The following EXOC4 variants were observed in gnomAD, a reference collection of about 807,000 sequenced individuals.
The protein encoded by EXOC4 is exocyst complex component 4.
In EXOC4, 71 loss-of-function variants were observed where a neutral mutation model predicts 107.2. That is an observed-to-expected ratio of 0.66 (90% CI 0.55 to 0.81). EXOC4 has a LOEUF of 0.81. Ranked by LOEUF, EXOC4 falls within the 30% of genes least tolerant of loss-of-function variation. The probability of loss-of-function intolerance (pLI) is 0.00; values close to 1 mark genes in which losing one functional copy is unlikely to be tolerated. For missense variants in EXOC4, 1,108 were observed against 1,189.6 expected, an observed-to-expected ratio of 0.93 and a Z score of 1.01; for synonymous variants, 456 against 441.2, an observed-to-expected ratio of 1.03 and a Z score of -0.42.
chr7:133,430,223 A>AT (rs1797824633), intron 7 of EXOC4, among the ~76,000 whole-genome samples: 1 of 152,192 alleles, frequency 6.6e-6, no homozygotes, highest in Admixed American at 6.5e-5. Flanking sequence ...TCCTTTCGAC[A>AT]TTCAGTTGCT....
chr7:133,926,402 T>C (rs562586220), intron 13 of EXOC4, among the ~76,000 whole-genome samples: 18 of 152,368 alleles, frequency 1.2e-4, no homozygotes, highest in African/African-American at 4.3e-4. Context: ...ATTTGAGTCA[T>C]TTTATGCTAA....
At chr7:133,960,864 T>C (rs1199566547) in intron 14 of EXOC4, among the ~76,000 whole-genome samples, 2 of 152,194 alleles carry the variant, frequency 1.3e-5, no homozygotes, top group Admixed American at 6.5e-5. Context: ...TTATTGAGAA[T>C]TTATGATACA....
intron 7 of EXOC4, among the ~76,000 whole-genome samples, chr7:133,408,041 A>AAGTT (rs1462745777): frequency 2.0e-5 from 3 of 152,070 alleles, no homozygotes; most frequent in African/African-American, 7.2e-5. Flanking sequence ...AACTGGGGAG[A>AAGTT]AGTTAGTGGT....
chr7:133,748,777 G>A (rs901489313), intron 10 of EXOC4, among the ~76,000 whole-genome samples: 22 of 152,128 alleles, frequency 1.4e-4, no homozygotes, highest in African/African-American at 4.3e-4. Flanking sequence ...ACCTGGTCAC[G>A]TCAGCAACTC....
intron 10 of EXOC4, among the ~76,000 whole-genome samples, chr7:133,774,189 T>A (rs2151165563): frequency 6.6e-6 from 1 of 152,164 alleles, no homozygotes; most frequent in East Asian, 1.9e-4. Flanking sequence ...GCCATTAACA[T>A]CCCCGAAGAG....
At chr7:134,071,115 G>A (rs1271259210), downstream of EXOC4, among the ~76,000 whole-genome samples, 1 of 152,178 alleles carries the variant, frequency 6.6e-6, no homozygotes, top group African/African-American at 2.4e-5. Context: ...CAGGTGCTGT[G>A]CTAAATGCTT....
intron 7 of EXOC4, among the ~76,000 whole-genome samples, chr7:133,466,235 G>A (rs1798724016): frequency 1.3e-5 from 2 of 151,916 alleles, no homozygotes; most frequent in Non-Finnish European, 2.9e-5. Context: ...CAGGATAACT[G>A]TAGGAAAAAA....
intron 11 of EXOC4, among the ~76,000 whole-genome samples, chr7:133,821,371 T>G (rs186989550): frequency 6.6e-6 from 1 of 152,308 alleles, no homozygotes. Flanking sequence ...CTGGAGTCAG[T>G]GCTCCCAGCC....
chr7:133,418,909 A>T (rs1797539029), intron 7 of EXOC4, among the ~76,000 whole-genome samples: 1 of 152,220 alleles, frequency 6.6e-6, no homozygotes, highest in Admixed American at 6.5e-5. Flanking sequence ...ATTAAAAATG[A>T]AAAAGTCAAT....
rs182555010 is a variant in EXOC4 at position 133,296,674 on chromosome 7, G to T, written c.471+7558G>T. ...AAACTAGATTGTTTGATAGGCACCT[G>T]GTTATTGTATTAGTTTTCCTTTTTT... On this transcript the variant is annotated intron_variant, in intron 3 of 17. Transcript: ENST00000253861. Among the ~76,000 whole-genome samples the T allele has an allele frequency of 3.2e-3, 488 of 151,948 alleles. 4 individuals are homozygous for T. The highest frequency in any genetic ancestry group is 0.011 in the African/African-American group (469 of 41,454).
At chr7:133,947,037 T>TA (rs2116771973) in intron 14 of EXOC4, among the ~76,000 whole-genome samples, 1 of 152,310 alleles carries the variant, frequency 6.6e-6, no homozygotes. Flanking sequence ...CTGACGAACT[T>TA]AAGGACAAAT....
chr7:133,278,368 A>C (rs1343987544), intron 2 of EXOC4, among the ~76,000 whole-genome samples: 1 of 152,186 alleles, frequency 6.6e-6, no homozygotes, highest in Non-Finnish European at 1.5e-5. Flanking sequence ...TATATAAGTA[A>C]AGTGTGGTAT....
At position 133,749,332 on chromosome 7, in the gene EXOC4, C is replaced by T. The variant is rs181522024; in HGVS notation, c.1515-67993C>T. 1.4e-4 allele frequency among the ~76,000 whole-genome samples: 21 copies of T among 152,146 alleles called. No individual in the cohort carries two copies. In the East Asian group the frequency reaches 1.9e-3, roughly 14 times the overall value. On this transcript the variant is annotated intron_variant, in intron 10 of 17. Transcript: ENST00000253861. Reference sequence around the variant, plus strand: ...ATCTCTGGGTCCTGATGGATGGTGGCCCATATTTAAAAGCTTTCCGCATAA... The same window carrying T: ...ATCTCTGGGTCCTGATGGATGGTGGTCCATATTTAAAAGCTTTCCGCATAA...
At chr7:133,460,693 A>G (rs1170318729) in intron 7 of EXOC4, among the ~76,000 whole-genome samples, 1 of 152,090 alleles carries the variant, frequency 6.6e-6, no homozygotes, top group Non-Finnish European at 1.5e-5. Flanking sequence ...ACACACACCC[A>G]CCCACACACA....
intron 2 of EXOC4, among the ~76,000 whole-genome samples, chr7:133,283,462 C>T (rs529012024): frequency 1.6e-4 from 24 of 152,272 alleles, no homozygotes; most frequent in Admixed American, 1.3e-3. Context: ...TGGACACTTA[C>T]GCTGCAGTGA....
chr7:133,676,160 T>G (rs771359019), intron 10 of EXOC4, among the ~76,000 whole-genome samples: 4 of 152,052 alleles, frequency 2.6e-5, no homozygotes, highest in Non-Finnish European at 5.9e-5. Flanking sequence ...GCCCGTTATG[T>G]ACCAGGCACT....
At chr7:133,423,012 A>ATTAAT in intron 7 of EXOC4, among the ~76,000 whole-genome samples, 1 of 39,026 alleles carries the variant, frequency 2.6e-5, no homozygotes, top group African/African-American at 1.5e-4. Flanking sequence ...AGGTCAGGAG[A>ATTAAT]TCGAGACCAT....
At chr7:133,976,668 C>A (rs954297532) in intron 14 of EXOC4, among the ~76,000 whole-genome samples, 4 of 152,110 alleles carry the variant, frequency 2.6e-5, no homozygotes, top group African/African-American at 9.7e-5. Flanking sequence ...AATGAACAGG[C>A]CTTACCATGG....
chr7:133,496,605 G>A (rs889429293), intron 9 of EXOC4, among the ~76,000 whole-genome samples: 1 of 152,140 alleles, frequency 6.6e-6, no homozygotes, highest in Non-Finnish European at 1.5e-5. Flanking sequence ...CACCTTCGAG[G>A]TGGAAGATAA....
Sources: gnomAD v4.1 joint callset for allele counts (sites outside exome capture counted in the v4.1 genomes callset) on GRCh38, gnomAD v4.1.1 for gene constraint, MANE v1.5 for transcripts, NCBI Gene and HGNC (gene_info 2026-07-23, HGNC 2026-07-21) for gene names.